EML6: variants seen among roughly 807,000 people sequenced by gnomAD.
EML6 encodes EMAP like 6.
A neutral mutation model predicts 240.1 loss-of-function variants in EML6; 154 were observed. That is an observed-to-expected ratio of 0.64 (90% CI 0.56 to 0.73). EML6 has a LOEUF of 0.73. EML6 is among the 30% of genes least tolerant of loss of function. The probability of loss-of-function intolerance (pLI) is 0.00; values close to 1 mark genes in which losing one functional copy is unlikely to be tolerated. For missense variants in EML6, 2,964 were observed against 2,474.6 expected (o/e 1.20, Z -4.20); for synonymous variants, 1,148 against 899.0 (o/e 1.28, Z -4.95).
chr2:54,733,581 T>G (rs1412337491), intron 2 of EML6, among the ~76,000 whole-genome samples: 3 of 152,170 alleles, frequency 2.0e-5, no homozygotes, highest in Non-Finnish European at 2.9e-5. Flanking sequence ...ACGTCTCTGC[T>G]TCTCTCTGGA....
In EML6 at chr2:54,847,562, C is replaced by T; in HGVS notation, c.1126C>T (p.Pro376Ser). 1.3e-6 allele frequency: 2 copies of T among 1,552,328 alleles called. No individual in the cohort carries two copies. The highest frequency in any genetic ancestry group is 1.7e-6 in the Non-Finnish European group (2 of 1,147,126). ...GGCGGTTCGCAGTGTAGCTTTCAGC[C>T]CCGACGGATCTCAGCTGGCCCTGGG... ...EEAVRSVAFS[P>S]DGSQLALGMK... Residue 376 changes from proline (P) to serine (S), a missense_variant, in exon 9 of 42, where the codon CCC (proline) becomes TCC (serine). Pro to Ser is a moderately conservative substitution (Grantham distance 74, BLOSUM62 -1). Coordinates refer to ENST00000356458, the MANE Select transcript of EML6 (RefSeq NM_001039753.4).
At chr2:54,930,875 C>A (rs183641475) in intron 28 of EML6, among the ~76,000 whole-genome samples, 1 of 151,670 alleles carries the variant, frequency 6.6e-6, no homozygotes, top group Non-Finnish European at 1.5e-5. Flanking sequence ...ACAATCAGAG[C>A]CAAGAACAAG....
At chr2:54,890,959 A>C (rs1672434991) in intron 17 of EML6, 95 bp from the exon 18 acceptor site, 4 of 551,994 alleles carry the variant, frequency 7.2e-6, no homozygotes, top group Non-Finnish European at 1.3e-5. Flanking sequence ...TGGTCCTGTT[A>C]GATGTGCTTA....
In EML6 at chr2:54,959,089, T is replaced by G. The variant is rs778330539; in HGVS notation, c.4696-15T>G. ...GAGTGTGTTCCGGGTGTAGAAGATG[T>G]TGTTTTGTTTACAGAACAATCTCAC... is the stretch of plus-strand genomic sequence containing the variant. On this transcript the variant is annotated splice_polypyrimidine_tract_variant and intron_variant, in intron 33 of 41. Transcript: ENST00000356458. The G allele has an allele frequency of 2.7e-5, 42 of 1,546,040 alleles. No individual in the cohort carries two copies. Among genetic ancestry groups the G allele is most frequent in the Non-Finnish European group, 3.4e-5 (39 of 1,144,232 alleles).
chr2:54,964,506 C>T (rs533050546), intron 37 of EML6, 65 bp from the exon 38 acceptor site: 1 of 1,480,278 alleles, frequency 6.8e-7, no homozygotes, highest in South Asian at 1.3e-5. Context: ...ACAGACCAGC[C>T]TTCGTGCCTG....
chr2:54,776,269 C>T (rs2103826111), intron 2 of EML6, among the ~76,000 whole-genome samples: 1 of 152,178 alleles, frequency 6.6e-6, no homozygotes, highest in South Asian at 2.1e-4. Flanking sequence ...ACTAAGAACC[C>T]ATGACTATAT....
rs1667771453 is a variant in EML6 at position 54,757,175 on chromosome 2, C to G, written c.197+31917C>G. On this transcript the variant is annotated intron_variant, in intron 2 of 41. Coordinates refer to ENST00000356458, the MANE Select transcript of EML6 (RefSeq NM_001039753.4). ...TATGTCTCCTTCCTTTTCTCTGTCA[C>G]CTCAGCATTCCCTTTTTCTCCTGTA... 2.0e-5 allele frequency among the ~76,000 whole-genome samples: 3 copies of G among 152,074 alleles called. No individual in the cohort carries two copies. The South Asian group carries it at 6.2e-4, about 32-fold the overall frequency.
chr2:54,787,297 G>A (rs1407389153), intron 2 of EML6, among the ~76,000 whole-genome samples: 2 of 13,834 alleles, frequency 1.4e-4, no homozygotes, highest in African/African-American at 2.1e-3. Flanking sequence ...GTGAGGGTTG[G>A]GGGGGGGTCT....
chr2:54,820,867 T>C (rs775312264), intron 5 of EML6, among the ~76,000 whole-genome samples: 10 of 152,138 alleles, frequency 6.6e-5, no homozygotes, highest in Non-Finnish European at 1.3e-4. Flanking sequence ...AAGAAAGGTG[T>C]CAAGTTGTGC....
chr2:54,953,975 A>C lies in EML6; in HGVS notation c.4313-8A>C, dbSNP rs1202173674. 3 of 1,544,632 alleles carry C rather than the reference A, an allele frequency of 1.9e-6. No homozygotes were observed. The highest frequency in any genetic ancestry group is 2.8e-5 in the African/African-American group (2 of 72,618). ...CCTTACTTCTTTGTCATGCCTCTCC[A>C]CACTCAGGGACAACACCTTCCATCC... On this transcript the variant is annotated splice_region_variant and splice_polypyrimidine_tract_variant and intron_variant, in intron 31 of 41. Transcript: ENST00000356458.
At chr2:54,735,507 A>C (rs1022778505) in intron 2 of EML6, among the ~76,000 whole-genome samples, 2 of 152,204 alleles carry the variant, frequency 1.3e-5, no homozygotes, top group African/African-American at 4.8e-5. Context: ...TTTTAAGAGA[A>C]TATTTGAATG....
intron 2 of EML6, among the ~76,000 whole-genome samples, chr2:54,769,237 T>A (rs1668312414): frequency 6.6e-6 from 1 of 152,220 alleles, no homozygotes; most frequent in East Asian, 1.9e-4. Context: ...AAGACTTCAC[T>A]ATAATTCTAG....
chr2:54,790,308 T>A (rs1042138526), intron 2 of EML6, among the ~76,000 whole-genome samples: 6 of 152,212 alleles, frequency 3.9e-5, no homozygotes, highest in African/African-American at 1.4e-4. Context: ...TTGTTTTCAT[T>A]GACATATTAG....
intron 2 of EML6, among the ~76,000 whole-genome samples, chr2:54,792,843 TATG>T (rs1269898003): frequency 6.6e-6 from 1 of 152,220 alleles, no homozygotes; most frequent in East Asian, 1.9e-4. Context: ...AAAAAGATGT[TATG>T]AGGACATACG....
chr2:54,820,491 A>T (rs1286905438), intron 5 of EML6, 29 bp downstream of exon 5: 3 of 1,299,434 alleles, frequency 2.3e-6, no homozygotes, highest in South Asian at 2.6e-5. Flanking sequence ...TAATTTTGGT[A>T]CCTTGAGTGC....
chr2:54,814,966 C>G (rs548529719), intron 3 of EML6, among the ~76,000 whole-genome samples: 17 of 152,258 alleles, frequency 1.1e-4, no homozygotes, highest in East Asian at 3.9e-4. Flanking sequence ...TATTGACTTC[C>G]TGAATAAACT....
intron 12 of EML6, among the ~76,000 whole-genome samples, chr2:54,860,308 T>C (rs1438753041): frequency 2.0e-5 from 3 of 152,120 alleles, no homozygotes; most frequent in Non-Finnish European, 4.4e-5. Flanking sequence ...CTCTAGACCA[T>C]GGGAAAGAAG....
rs1682873818 is a variant in EML6, at chr2:54,725,567, A to G, written c.197+309A>G. On this transcript the variant is annotated intron_variant, in intron 2 of 41. Transcript: ENST00000356458. The surrounding 1 kb of genome is among the most constrained non-coding windows in gnomAD (Gnocchi z 4.3). ...GCTACAAGTGGAAGGAGCCTGGGTA[A>G]CTATGAAACACTTCTTCCTTCCCTA... Among the ~76,000 whole-genome samples the G allele has an allele frequency of 6.6e-6, 1 of 152,178 alleles. No individual in the cohort carries two copies. The highest frequency in any genetic ancestry group is 2.4e-5 in the African/African-American group (1 of 41,438).
intron 26 of EML6, among the ~76,000 whole-genome samples, chr2:54,922,933 C>CTTTT (rs36078208): frequency 2.2e-4 from 16 of 73,840 alleles, no homozygotes; most frequent in South Asian, 5.4e-4. Context: ...AGGGTATAAA[C>CTTTT]TTTTTTTTTT....
Sources: allele counts gnomAD v4.1 joint callset (sites outside exome capture counted in the v4.1 genomes callset), GRCh38; gene constraint gnomAD v4.1.1; non-coding constraint Gnocchi (gnomAD v3.1); transcripts MANE v1.5; gene names NCBI Gene and HGNC (gene_info 2026-07-23, HGNC 2026-07-21).